Variants in RASSF8 observed in about 807,000 individuals in gnomAD.
The protein encoded by RASSF8 is ras association domain-containing protein 8.
RASSF8 carries 22 observed loss-of-function variants against 48.5 expected under a neutral mutation model. The ratio of observed to expected loss-of-function variants is 0.45; its 90% CI spans 0.32 to 0.65. RASSF8 has a LOEUF of 0.65. Ranked by LOEUF, RASSF8 falls within the 30% of genes least tolerant of loss-of-function variation. RASSF8 has a pLI of 0.03. For synonymous variants in RASSF8, 127 were observed against 171.5 expected (o/e 0.74, Z 2.03); for missense variants, 418 against 489.2 (o/e 0.85, Z 1.37).
rs370666687 is a variant in RASSF8, at chr12:25,968,591, G to A, written c.-203+9443G>A. Among the ~76,000 whole-genome samples, 8 of 152,226 alleles carry A rather than the reference G, an allele frequency of 5.3e-5. No individual in the cohort carries two copies. The East Asian group carries it at 5.8e-4, about 11-fold the overall frequency. On this transcript the variant is annotated intron_variant, in intron 1 of 5. Coordinates refer to ENST00000689635, the MANE Select transcript of RASSF8 (RefSeq NM_001394098.1). Reference sequence around the variant, plus strand: ...ACTCCTGACCTCAGGTAATCCACCCGCCTCAGCCTCCCAAAGTGCTGGGAT... The same window carrying A: ...ACTCCTGACCTCAGGTAATCCACCCACCTCAGCCTCCCAAAGTGCTGGGAT...
intron 1 of RASSF8, among the ~76,000 whole-genome samples, chr12:25,963,195 G>A (rs1941276910): frequency 6.6e-6 from 1 of 151,942 alleles, no homozygotes; most frequent in African/African-American, 2.4e-5. Flanking sequence ...TGACTTGCAT[G>A]GTAACCAGAC....
chr12:26,073,222 A>G (rs1288244315), downstream of RASSF8, among the ~76,000 whole-genome samples: 1 of 152,208 alleles, frequency 6.6e-6, no homozygotes, highest in Non-Finnish European at 1.5e-5. Context: ...ATTCACAGCC[A>G]TCCAAGGAAC....
chr12:25,998,998 G>A (rs1942195379), intron 2 of RASSF8, among the ~76,000 whole-genome samples: 1 of 152,066 alleles, frequency 6.6e-6, no homozygotes. Context: ...ATAATTTATT[G>A]AGGATCTGTT....
chr12:26,067,597 C>A lies in RASSF8; in HGVS notation c.1022C>A (p.Thr341Asn). ...AAAGAACAGGAACTGGAGCAGTTGA[C>A]TAAGGAGTTGCGGCAAGTCAATCTC... is the stretch of plus-strand genomic sequence containing the variant. ...QDKEQELEQL[T>N]KELRQVNLQQ... Residue 341 changes from threonine (T) to asparagine (N), a missense_variant, in exon 5 of 6, where the codon ACT (threonine) becomes AAT (asparagine). Physicochemically the swap from Thr to Asn is moderately conservative, Grantham distance 65 (BLOSUM62 0). Transcript: ENST00000689635. 1 of 1,613,876 alleles carries A rather than the reference C, an allele frequency of 6.2e-7. No homozygotes were observed. Among genetic ancestry groups the A allele is most frequent in the Non-Finnish European group, 8.5e-7 (1 of 1,179,864 alleles).
At chr12:25,981,949 T>G (rs189004155) in intron 1 of RASSF8, among the ~76,000 whole-genome samples, 79 of 152,350 alleles carry the variant, frequency 5.2e-4, no homozygotes, top group Non-Finnish European at 1.3e-4. Context: ...AAGGATATGT[T>G]TCTTAATAAT....
intron 1 of RASSF8, among the ~76,000 whole-genome samples, chr12:25,964,401 T>C (rs1941309535): frequency 6.6e-6 from 1 of 152,148 alleles, no homozygotes; most frequent in African/African-American, 2.4e-5. Flanking sequence ...CATTAGCATA[T>C]GTTTTACTCT....
intron 3 of RASSF8, among the ~76,000 whole-genome samples, chr12:26,057,217 G>A (rs1943626129): frequency 6.6e-6 from 1 of 151,726 alleles, no homozygotes; most frequent in Non-Finnish European, 1.5e-5. Context: ...GTGCCATGTT[G>A]GTGTGCTGCA....
intron 1 of RASSF8, among the ~76,000 whole-genome samples, chr12:25,965,091 C>T (rs905918919): frequency 2.1e-4 from 32 of 151,964 alleles, no homozygotes; most frequent in African/African-American, 2.9e-4. Flanking sequence ...TACAGGTCCC[C>T]GCCACCACGC....
intron 3 of RASSF8, among the ~76,000 whole-genome samples, chr12:26,063,557 G>A (rs1176998129): frequency 2.6e-5 from 4 of 151,898 alleles, no homozygotes; most frequent in Non-Finnish European, 4.4e-5. Flanking sequence ...CACCATTCCC[G>A]GCTAACTTTT....
At chr12:26,001,671 T>C (rs1942261905) in intron 2 of RASSF8, among the ~76,000 whole-genome samples, 2 of 152,138 alleles carry the variant, frequency 1.3e-5, no homozygotes, top group Non-Finnish European at 2.9e-5. Flanking sequence ...CATCCTGTCG[T>C]ACTGGAAGGT....
chr12:26,069,375 T>TG lies in RASSF8; in HGVS notation c.*558dup, dbSNP rs1943953195. On this transcript the variant is annotated 3_prime_UTR_variant, in exon 6 of 6. Coordinates refer to ENST00000689635, the MANE Select transcript of RASSF8 (RefSeq NM_001394098.1). ...AACTCCACAGGAAGCCACTTGCATT[T>TG]GTTTTGTGAAACTGTCCTAGCCATT... The TG allele has an allele frequency of 2.0e-6, 2 of 985,062 alleles. No individual in the cohort carries two copies. The highest frequency in any genetic ancestry group is 2.4e-6 in the Non-Finnish European group (2 of 829,674). The allele number at this position is 985,062 out of a possible 1,614,324, so 61.0% of individuals were successfully genotyped here.
In RASSF8 at chr12:26,071,207, G is replaced by A; in HGVS notation, c.*2389G>A. 1.0e-6 allele frequency: 1 copy of A among 980,318 alleles called. No homozygotes were observed. The highest frequency in any genetic ancestry group is 1.2e-6 in the Non-Finnish European group (1 of 825,404). The allele number at this position is 980,318 out of a possible 1,614,324, so 60.7% of individuals were successfully genotyped here. ...AGAGGGAAAAAAACTCGTTTTCATA[G>A]GATCATCTGAAGATACTTTAGTATA... is the stretch of plus-strand genomic sequence containing the variant. On this transcript the variant is annotated 3_prime_UTR_variant, in exon 6 of 6. Coordinates refer to ENST00000689635, the MANE Select transcript of RASSF8 (RefSeq NM_001394098.1).
intron 1 of RASSF8, among the ~76,000 whole-genome samples, chr12:25,986,947 TTTG>T (rs1418757943): frequency 1.9e-4 from 26 of 139,642 alleles, no homozygotes; most frequent in African/African-American, 6.5e-4. Context: ...TGTTTGTTTG[TTTG>T]TTTTGCAACG....
Position 26,063,405 on chromosome 12 carries a change from G to GTT in RASSF8, c.104-1084_104-1083dup, listed in dbSNP as rs547055420. ...TTGTATTCTGGTGTTTGTTTGTTTT[G>GTT]TTTTTTTTTTGAGACAGAGTCTTAC... is the stretch of plus-strand genomic sequence containing the variant. On this transcript the variant is annotated intron_variant, in intron 3 of 5. Coordinates refer to ENST00000689635, the MANE Select transcript of RASSF8 (RefSeq NM_001394098.1). 2.8e-3 allele frequency among the ~76,000 whole-genome samples: 414 copies of GTT among 147,686 alleles called. 3 individuals carry two copies. The highest frequency in any genetic ancestry group is 9.5e-3 in the African/African-American group (385 of 40,384).
intron 1 of RASSF8, among the ~76,000 whole-genome samples, chr12:25,970,796 A>G (rs1386013745): frequency 6.6e-6 from 1 of 152,186 alleles, no homozygotes; most frequent in Non-Finnish European, 1.5e-5. Flanking sequence ...CCAGGTGCCA[A>G]CAGGACTACA....
At chr12:26,073,849 C>CACACACACACACAT (rs35014279), downstream of RASSF8, among the ~76,000 whole-genome samples, 395 of 144,174 alleles carry the variant, frequency 2.7e-3, 5 homozygotes, top group Middle Eastern at 3.6e-3. Context: ...CACACACACA[C>CACACACACACACAT]ATATATATAT....
intron 3 of RASSF8, among the ~76,000 whole-genome samples, chr12:26,059,052 A>G (rs1215016132): frequency 6.6e-6 from 1 of 152,184 alleles, no homozygotes; most frequent in Non-Finnish European, 1.5e-5. Flanking sequence ...CATTTTTTTC[A>G]GAGTCTAAAC....
intron 2 of RASSF8, among the ~76,000 whole-genome samples, chr12:26,022,553 T>A (rs1291302187): frequency 1.3e-5 from 2 of 152,028 alleles, no homozygotes; most frequent in African/African-American, 2.4e-5. Flanking sequence ...AGAAAAAACT[T>A]AAAGGTCAGA....
At chr12:26,018,661 C>T (rs1228686992) in intron 2 of RASSF8, among the ~76,000 whole-genome samples, 2 of 152,054 alleles carry the variant, frequency 1.3e-5, no homozygotes, top group East Asian at 3.8e-4. Flanking sequence ...CTTGTTGTAC[C>T]CCATGCCACT....
Sources: gnomAD v4.1 joint callset for allele counts (sites outside exome capture counted in the v4.1 genomes callset) on GRCh38, gnomAD v4.1.1 for gene constraint, MANE v1.5 for transcripts, NCBI Gene and HGNC (gene_info 2026-07-23, HGNC 2026-07-21) for gene names.